The following TBL1XR1 variants were observed in gnomAD, a reference collection of about 807,000 sequenced individuals.
TBL1XR1 encodes F-box-like/WD repeat-containing protein TBL1XR1.
Under a neutral mutation model 66.9 loss-of-function variants are expected in TBL1XR1, and 5 were observed. That is an observed-to-expected ratio of 0.07 (90% CI 0.04 to 0.16). The LOEUF is 0.16. Among genes scored for constraint, TBL1XR1 ranks in the 10% least tolerant of loss-of-function variants. The pLI is 1.00. For missense variants in TBL1XR1, 238 were observed against 623.2 expected, an observed-to-expected ratio of 0.38 and a Z score of 6.58; for synonymous variants, 210 against 206.0, an observed-to-expected ratio of 1.02 and a Z score of -0.17.
chr3:177,173,716 C>T (rs1159228812), intron 1 of TBL1XR1, among the ~76,000 whole-genome samples: 1 of 152,076 alleles, frequency 6.6e-6, no homozygotes, highest in Non-Finnish European at 1.5e-5. Flanking sequence ...CAAATAAAAC[C>T]TATAGTTTAG....
chr3:177,105,263 A>G (rs1195298504), intron 1 of TBL1XR1, among the ~76,000 whole-genome samples: 2 of 152,224 alleles, frequency 1.3e-5, no homozygotes, highest in Admixed American at 1.3e-4. Flanking sequence ...AATACGACAG[A>G]TATGACACTG....
chr3:177,029,158 G>A (rs774844684), intron 14 of TBL1XR1, among the ~76,000 whole-genome samples: 2 of 151,542 alleles, frequency 1.3e-5, no homozygotes, highest in Admixed American at 6.6e-5. Flanking sequence ...AGATCTAGCC[G>A]GGCACAGTGG....
At chr3:177,078,454 A>ACAGG (rs751805925) in intron 2 of TBL1XR1, among the ~76,000 whole-genome samples, 2 of 151,782 alleles carry the variant, frequency 1.3e-5, no homozygotes, top group Non-Finnish European at 2.9e-5. Context: ...GTATGGTGGC[A>ACAGG]TGAACCTGTA....
intron 1 of TBL1XR1, among the ~76,000 whole-genome samples, chr3:177,189,649 C>CA (rs761647251): frequency 0.12 from 5,215 of 45,170 alleles, 659 homozygotes; most frequent in East Asian, 0.59. Flanking sequence ...GACTCCATCT[C>CA]AAAAAAAAAA....
intron 1 of TBL1XR1, among the ~76,000 whole-genome samples, chr3:177,121,112 C>T (rs569750442): frequency 2.0e-5 from 3 of 152,278 alleles, no homozygotes; most frequent in South Asian, 2.1e-4. Flanking sequence ...TAACCTACGG[C>T]TTGTCATAGA....
intron 2 of TBL1XR1, among the ~76,000 whole-genome samples, chr3:177,090,094 C>T (rs9829034): frequency 0.31 from 47,477 of 152,074 alleles, 7,834 homozygotes; most frequent in East Asian, 0.58. Context: ...AACTTCCACT[C>T]TTGAAACAGC....
intron 1 of TBL1XR1, among the ~76,000 whole-genome samples, chr3:177,169,153 C>T (rs1733165302): frequency 6.6e-6 from 1 of 152,052 alleles, no homozygotes; most frequent in East Asian, 1.9e-4. Context: ...TAATCAATAG[C>T]GATAAAGTGG....
Position 177,111,997 on chromosome 3 carries a change from A to G in TBL1XR1, c.-121-13456T>C, listed in dbSNP as rs889134461. 6.3e-4 allele frequency among the ~76,000 whole-genome samples: 94 copies of G among 149,304 alleles called. 2 individuals carry two copies. Among genetic ancestry groups the G allele is most frequent in the Admixed American group, 4.0e-3 (59 of 14,900 alleles). ...AAGATCCTTTGAAGCCTTTTAAAAAATAAGAACTAGGCCCTGAAACGAAGA... is the reference window on the plus strand; with the variant it reads ...AAGATCCTTTGAAGCCTTTTAAAAAGTAAGAACTAGGCCCTGAAACGAAGA... On this transcript the variant is annotated intron_variant, in intron 1 of 15. Transcript: ENST00000457928.
chr3:177,132,227 T>C (rs936411335), intron 1 of TBL1XR1, among the ~76,000 whole-genome samples: 6 of 152,194 alleles, frequency 3.9e-5, no homozygotes, highest in South Asian at 2.1e-4. Flanking sequence ...CCAGCAGGAA[T>C]ATAAGCCCCA....
At chr3:177,128,394 G>GAAAAAAAAAAA (rs1727898706) in intron 1 of TBL1XR1, among the ~76,000 whole-genome samples, 2 of 152,072 alleles carry the variant, frequency 1.3e-5, no homozygotes, top group Non-Finnish European at 2.9e-5. Flanking sequence ...CTTTTTTGGA[G>GAAAAAAAAAAA]ACAGGGTCTT....
intron 1 of TBL1XR1, among the ~76,000 whole-genome samples, chr3:177,174,136 G>A (rs1036586822): frequency 3.3e-5 from 5 of 151,992 alleles, no homozygotes; most frequent in Non-Finnish European, 5.9e-5. Context: ...ATGACAGGCC[G>A]GGTGCGGTGG....
At chr3:177,056,998 T>C (rs538031033) in intron 3 of TBL1XR1, among the ~76,000 whole-genome samples, 1 of 152,326 alleles carries the variant, frequency 6.6e-6, no homozygotes, top group African/African-American at 2.4e-5. Context: ...TGCTTGAGAA[T>C]TTTCAATGAT....
chr3:177,186,178 G>C (rs1231698233), intron 1 of TBL1XR1, among the ~76,000 whole-genome samples: 1 of 152,056 alleles, frequency 6.6e-6, no homozygotes, highest in Non-Finnish European at 1.5e-5. Context: ...TACAATAACA[G>C]TCTGCACTCC....
chr3:177,094,197 A>G (rs947861832), intron 2 of TBL1XR1, among the ~76,000 whole-genome samples: 4 of 152,106 alleles, frequency 2.6e-5, no homozygotes, highest in African/African-American at 9.7e-5. Flanking sequence ...CAAAAGATAT[A>G]CAAATGACCA....
intron 1 of TBL1XR1, among the ~76,000 whole-genome samples, chr3:177,112,107 A>ATATATATTTTTTTT: frequency 2.7e-5 from 1 of 37,652 alleles, no homozygotes; most frequent in Non-Finnish European, 4.5e-5. Context: ...ATATATATAT[A>ATATATATTTTTTTT]TTTTTTTTTT....
At chr3:177,158,563 A>G (rs758364750) in intron 1 of TBL1XR1, among the ~76,000 whole-genome samples, 4 of 152,108 alleles carry the variant, frequency 2.6e-5, no homozygotes, top group Non-Finnish European at 5.9e-5. Context: ...AACTGACAGA[A>G]GAGCCATTCA....
At chr3:177,113,387 C>T (rs1460435633) in intron 1 of TBL1XR1, among the ~76,000 whole-genome samples, 1 of 152,042 alleles carries the variant, frequency 6.6e-6, no homozygotes, top group Non-Finnish European at 1.5e-5. Flanking sequence ...TTACATAAAA[C>T]CAAAACCTTC....
chr3:177,087,351 A>G (rs940912668), intron 2 of TBL1XR1, among the ~76,000 whole-genome samples: 1 of 152,112 alleles, frequency 6.6e-6, no homozygotes, highest in Non-Finnish European at 1.5e-5. Flanking sequence ...TTTAAAAAAT[A>G]TCAGGTTGTA....
upstream of TBL1XR1, among the ~76,000 whole-genome samples, chr3:177,200,048 C>A (rs572082351): frequency 6.6e-6 from 1 of 152,178 alleles, no homozygotes; most frequent in Non-Finnish European, 1.5e-5. Context: ...TGTCGGCTCA[C>A]TGCAACCTCT....
Sources: gnomAD v4.1 joint callset for allele counts (sites outside exome capture counted in the v4.1 genomes callset) on GRCh38, gnomAD v4.1.1 for gene constraint, MANE v1.5 for transcripts, NCBI Gene and HGNC (gene_info 2026-07-23, HGNC 2026-07-21) for gene names.